Variants in RXFP1 observed in about 807,000 individuals in gnomAD.
RXFP1 encodes relaxin receptor 1.
A neutral mutation model predicts 89.8 loss-of-function variants in RXFP1; 73 were observed. The observed-to-expected ratio is 0.81, with a 90% CI of 0.67 to 0.99. RXFP1 has a LOEUF of 0.99. RXFP1 is among the 50% of genes least tolerant of loss of function. The pLI is 0.00. For synonymous variants in RXFP1, 277 were observed against 305.5 expected, an observed-to-expected ratio of 0.91 and a Z score of 0.97; for missense variants, 793 against 895.5, an observed-to-expected ratio of 0.89 and a Z score of 1.46.
intron 1 of RXFP1, among the ~76,000 whole-genome samples, chr4:158,527,562 A>AT (rs1553989390): frequency 7.3e-4 from 5 of 6,896 alleles, no homozygotes; most frequent in African/African-American, 7.9e-4. Flanking sequence ...CAAAAAAAAA[A>AT]AAATATATAT....
chr4:158,534,210 C>A (rs1041550569), intron 1 of RXFP1, among the ~76,000 whole-genome samples: 1 of 151,350 alleles, frequency 6.6e-6, no homozygotes. Flanking sequence ...TACTTAGATA[C>A]ACAAAGTGTT....
rs931468400 is a variant in RXFP1, at chr4:158,610,555, A to G, written c.537-1575A>G. The G allele has an allele frequency of 9.6e-5, 49 of 508,126 alleles. No individual in the cohort carries two copies. The Admixed American group carries it at 1.1e-3, about 12-fold the overall frequency. 31.5% of individuals were successfully genotyped at this position (508,126 alleles called of 1,614,324 possible). A position where few individuals can be genotyped will look rare whatever the true frequency, so the allele number is the denominator to read the frequency against. On this transcript the variant is annotated intron_variant, in intron 6 of 17. Transcript: ENST00000307765. ...TAAAACATTAGAGAACCATTTTTTAAAAGTACTTAAGTTCCAAACCTGTGT... is the reference window on the plus strand; with the variant it reads ...TAAAACATTAGAGAACCATTTTTTAGAAGTACTTAAGTTCCAAACCTGTGT...
intron 1 of RXFP1, among the ~76,000 whole-genome samples, chr4:158,531,461 AGGGTCATCT>A (rs750182303): frequency 6.6e-6 from 1 of 152,176 alleles, no homozygotes; most frequent in Non-Finnish European, 1.5e-5. Flanking sequence ...CCTACTGCAC[AGGGTCATCT>A]TGAACACAAA....
At position 158,653,002 on chromosome 4, in the gene RXFP1, A is replaced by G. The variant is rs138948939; in HGVS notation, c.*947A>G. On this transcript the variant is annotated 3_prime_UTR_variant, in exon 18 of 18. Transcript: ENST00000307765. ...TGAAATATCTCAGTAAAGCAGTTAA[A>G]AGGAAAAAGAGCTGGAATGCACTGA... 8 of 152,328 alleles carry G rather than the reference A, an allele frequency of 5.3e-5. No homozygotes were observed. In the East Asian group the frequency reaches 1.5e-3, roughly 29 times the overall value. 9.4% of individuals were successfully genotyped at this position (152,328 alleles called of 1,614,324 possible). A position where few individuals can be genotyped will look rare whatever the true frequency, so the allele number is the denominator to read the frequency against.
At chr4:158,572,056 C>T (rs1755181029) in intron 1 of RXFP1, among the ~76,000 whole-genome samples, 1 of 152,172 alleles carries the variant, frequency 6.6e-6, no homozygotes, top group Admixed American at 6.5e-5. Flanking sequence ...TGAAACCAAT[C>T]CCCTGGGCTC....
rs1191363807 is a variant in RXFP1, at chr4:158,629,194, G to A, written c.899+485G>A. On this transcript the variant is annotated intron_variant, in intron 11 of 17. Transcript: ENST00000307765. ...GCCTCCTGAGTAGCTGGGATTACAG[G>A]TGCATCCCACCATGCCCAGCTAATT... 3.9e-5 allele frequency among the ~76,000 whole-genome samples: 6 copies of A among 152,058 alleles called. No homozygotes were observed. In the East Asian group the frequency reaches 9.7e-4, roughly 25 times the overall value.
chr4:158,623,741 C>G (rs962340651), intron 9 of RXFP1, among the ~76,000 whole-genome samples: 1 of 152,074 alleles, frequency 6.6e-6, no homozygotes, highest in Non-Finnish European at 1.5e-5. Flanking sequence ...TAAGTTCTGA[C>G]TAGGGAGGTC....
intron 1 of RXFP1, among the ~76,000 whole-genome samples, chr4:158,540,092 C>T (rs1020722343): frequency 4.9e-4 from 74 of 152,086 alleles, no homozygotes; most frequent in African/African-American, 1.6e-3. Flanking sequence ...AAAGGGGTCC[C>T]GATCTAGACC....
intron 1 of RXFP1, among the ~76,000 whole-genome samples, chr4:158,564,942 A>G (rs561387492): frequency 2.0e-5 from 3 of 152,266 alleles, no homozygotes; most frequent in East Asian, 3.9e-4. Flanking sequence ...TTCTGTTCCT[A>G]AACAATTGAG....
In RXFP1 at chr4:158,608,012, GC is replaced by G; in HGVS notation, c.506del (p.Ala169ValfsTer5). 2 of 1,608,042 alleles carry G rather than the reference GC, an allele frequency of 1.2e-6. No individual in the cohort carries two copies. Among genetic ancestry groups the G allele is most frequent in the Non-Finnish European group, 1.7e-6 (2 of 1,175,948 alleles). ...NNKITSISIY[A>X]FRGLNSLTKL... ...TAAGATTACATCCATCTCCATCTAT[GC>G]TTTCAGAGGACTGAATAGCCTTACT... is the stretch of plus-strand genomic sequence containing the variant. On this transcript the variant is annotated frameshift_variant, in exon 6 of 18. Transcript: ENST00000307765. LOFTEE classifies it high-confidence loss of function.
chr4:158,601,137 GT>G (rs1761609562), intron 4 of RXFP1, among the ~76,000 whole-genome samples: 1 of 151,876 alleles, frequency 6.6e-6, no homozygotes, highest in East Asian at 1.9e-4. Flanking sequence ...TTTAAAAATT[GT>G]CATGATCTAG....
rs73860520 is a variant in RXFP1, at chr4:158,550,805, C to A, written c.50-21893C>A. Among the ~76,000 whole-genome samples, 513 of 152,230 alleles carry A rather than the reference C, an allele frequency of 3.4e-3. 1 individual carries two copies. Among genetic ancestry groups the A allele is most frequent in the African/African-American group, 0.012 (486 of 41,520 alleles). On this transcript the variant is annotated intron_variant, in intron 1 of 17. Coordinates refer to ENST00000307765, the MANE Select transcript of RXFP1 (RefSeq NM_021634.4). Reference sequence around the variant, plus strand: ...ATCTGCATCTGAATCCCATTTCCACCACTTACTGGTTCCATGATATCCAAG... The same window carrying A: ...ATCTGCATCTGAATCCCATTTCCACAACTTACTGGTTCCATGATATCCAAG...
chr4:158,617,554 A>C (rs1764840897), intron 9 of RXFP1, among the ~76,000 whole-genome samples: 1 of 151,942 alleles, frequency 6.6e-6, no homozygotes, highest in African/African-American at 2.4e-5. Context: ...AGAAAGACTA[A>C]GTTGTTTTAA....
chr4:158,563,839 T>C (rs889123259), intron 1 of RXFP1, among the ~76,000 whole-genome samples: 2 of 148,688 alleles, frequency 1.3e-5, no homozygotes, highest in South Asian at 4.2e-4. Flanking sequence ...TATAACATTA[T>C]AATGTTATAA....
intron 2 of RXFP1, among the ~76,000 whole-genome samples, chr4:158,575,220 TTTC>T (rs1358539898): frequency 6.6e-6 from 1 of 152,180 alleles, no homozygotes; most frequent in Non-Finnish European, 1.5e-5. Context: ...ATCATGCAAG[TTTC>T]TCAGGATTCA....
chr4:158,626,128 A>ATAGATAGATAGATAGT (rs1766710116), intron 9 of RXFP1, among the ~76,000 whole-genome samples: 2 of 136,546 alleles, frequency 1.5e-5, no homozygotes, highest in African/African-American at 2.7e-5. Flanking sequence ...AGATAGATAG[A>ATAGATAGATAGATAGT]TAGATAGATA....
chr4:158,533,859 CT>C (rs536067915), intron 1 of RXFP1, among the ~76,000 whole-genome samples: 29 of 152,076 alleles, frequency 1.9e-4, no homozygotes, highest in African/African-American at 3.1e-4. Flanking sequence ...TTTCTATATG[CT>C]TTTTTTCCTA....
chr4:158,633,125 G>A (rs113336987), intron 11 of RXFP1, among the ~76,000 whole-genome samples: 2,282 of 151,766 alleles, frequency 0.015, 25 homozygotes, highest in Non-Finnish European at 0.023. Context: ...TGCCAAAATC[G>A]CACCACTACA....
At chr4:158,567,970 C>T (rs547347259) in intron 1 of RXFP1, among the ~76,000 whole-genome samples, 178 of 152,334 alleles carry the variant, frequency 1.2e-3, no homozygotes, top group Non-Finnish European at 1.9e-3. Context: ...TGGATTCACA[C>T]TGCTTTTATG....
Sources: allele counts gnomAD v4.1 joint callset (sites outside exome capture counted in the v4.1 genomes callset), GRCh38; gene constraint gnomAD v4.1.1; transcripts MANE v1.5; gene names NCBI Gene and HGNC (gene_info 2026-07-23, HGNC 2026-07-21).